The following KIAA0825 variants were observed in gnomAD, a reference collection of about 807,000 sequenced individuals.
The protein encoded by KIAA0825 is KIAA0825.
KIAA0825 carries 119 observed loss-of-function variants against 147.6 expected under a neutral mutation model. The observed-to-expected ratio is 0.81, with a 90% CI of 0.69 to 0.94. The LOEUF is 0.94. Ranked by LOEUF, KIAA0825 falls within the 40% of genes least tolerant of loss-of-function variation. KIAA0825 has a pLI of 0.00. For missense variants in KIAA0825, 1,381 were observed against 1,472.7 expected (o/e 0.94, Z 1.02); for synonymous variants, 470 against 518.1 (o/e 0.91, Z 1.26).
intron 1 of KIAA0825, among the ~76,000 whole-genome samples, chr5:94,612,542 C>T (rs1258412489): frequency 6.6e-6 from 1 of 152,092 alleles, no homozygotes; most frequent in African/African-American, 2.4e-5. Flanking sequence ...TCTTCACAAG[C>T]AGTCTCCCCA....
intron 20 of KIAA0825, among the ~76,000 whole-genome samples, chr5:94,283,080 A>G (rs960818654): frequency 6.6e-6 from 1 of 152,192 alleles, no homozygotes; most frequent in South Asian, 2.1e-4. Context: ...AACATTCAAG[A>G]CTAAAAGGCA....
chr5:94,223,379 A>C (rs1773838043), intron 20 of KIAA0825, among the ~76,000 whole-genome samples: 1 of 152,162 alleles, frequency 6.6e-6, no homozygotes. Context: ...CTTTAGCCCA[A>C]AAGTATACCT....
At position 94,546,232 on chromosome 5, in the gene KIAA0825, T is replaced by G. The variant is rs1774325677; in HGVS notation, c.-1-9105A>C. Among the ~76,000 whole-genome samples, 2 of 152,142 alleles carry G rather than the reference T, an allele frequency of 1.3e-5. 1 individual carries two copies. The highest frequency in any genetic ancestry group is 4.1e-4 in the South Asian group (2 of 4,830). On this transcript the variant is annotated intron_variant, in intron 2 of 20. Transcript: ENST00000682413. ...AACACCAGATAGATTTCTAAGGGTT[T>G]TGACTCCAATCCCTGGCTCCAAGAC...
At chr5:94,517,962 T>C (rs1158781327) in intron 5 of KIAA0825, among the ~76,000 whole-genome samples, 1 of 152,118 alleles carries the variant, frequency 6.6e-6, no homozygotes, top group Non-Finnish European at 1.5e-5. Context: ...CTTAGTTTCC[T>C]CACTGTAAAA....
At chr5:94,404,358 A>G (rs1041892890) in intron 15 of KIAA0825, among the ~76,000 whole-genome samples, 8 of 152,188 alleles carry the variant, frequency 5.3e-5, no homozygotes, top group African/African-American at 1.4e-4. Context: ...CCACACATAT[A>G]TAAAATAATT....
chr5:94,558,280 G>A (rs979318269), intron 2 of KIAA0825, among the ~76,000 whole-genome samples: 1 of 152,134 alleles, frequency 6.6e-6, no homozygotes, highest in Non-Finnish European at 1.5e-5. Flanking sequence ...CTGGGAGCAA[G>A]GACTCCCTGG....
intron 18 of KIAA0825, among the ~76,000 whole-genome samples, chr5:94,390,915 T>C (rs542701950): frequency 3.5e-4 from 53 of 152,344 alleles, no homozygotes; most frequent in African/African-American, 1.1e-3. Context: ...CAAAACCTGA[T>C]TAAGTTAGAG....
chr5:94,379,493 G>T (rs1346999941), intron 20 of KIAA0825, among the ~76,000 whole-genome samples: 1 of 152,094 alleles, frequency 6.6e-6, no homozygotes, highest in Non-Finnish European at 1.5e-5. Context: ...TGCTGTTTTG[G>T]TTACAGTAGC....
At chr5:94,529,392 A>C (rs1043144864) in intron 3 of KIAA0825, among the ~76,000 whole-genome samples, 1 of 146,442 alleles carries the variant, frequency 6.8e-6, no homozygotes, top group African/African-American at 2.5e-5. Context: ...ATATGTATAT[A>C]TCATATGTAT....
At chr5:94,421,181 T>C (rs1296542057) in intron 14 of KIAA0825, among the ~76,000 whole-genome samples, 1 of 152,216 alleles carries the variant, frequency 6.6e-6, no homozygotes, top group Non-Finnish European at 1.5e-5. Context: ...AACTCTTCTC[T>C]TGGAGCACAA....
At chr5:94,394,783 T>G (rs1168745460) in intron 17 of KIAA0825, among the ~76,000 whole-genome samples, 4 of 152,160 alleles carry the variant, frequency 2.6e-5, no homozygotes, top group Non-Finnish European at 4.4e-5. Context: ...TGTAAATTAG[T>G]GTTGAATGCA....
chr5:94,290,941 G>C (rs1336250196), intron 20 of KIAA0825, among the ~76,000 whole-genome samples: 3 of 152,140 alleles, frequency 2.0e-5, no homozygotes, highest in Non-Finnish European at 4.4e-5. Flanking sequence ...CTTTTGAAAA[G>C]TATCTGTTCA....
intron 13 of KIAA0825, among the ~76,000 whole-genome samples, chr5:94,450,038 CCATTGGA>C (rs978863533): frequency 3.3e-5 from 5 of 151,906 alleles, no homozygotes; most frequent in Non-Finnish European, 7.4e-5. Context: ...CAAGATCGTG[CCATTGGA>C]CTCCAGCCTG....
chr5:94,520,004 C>G, intron 5 of KIAA0825: 1 of 1,121,250 alleles, frequency 8.9e-7, no homozygotes, highest in South Asian at 3.4e-5. Flanking sequence ...AAATTAAACT[C>G]TTATTTAAAG....
At chr5:94,189,611 T>C (rs1770476582) in intron 20 of KIAA0825, among the ~76,000 whole-genome samples, 1 of 152,144 alleles carries the variant, frequency 6.6e-6, no homozygotes, top group Non-Finnish European at 1.5e-5. Flanking sequence ...TCTAGACTCT[T>C]TATTAAGATT....
At position 94,279,486 on chromosome 5, in the gene KIAA0825, T is replaced by C. The variant is rs1452530261; in HGVS notation, c.3710+104882A>G. Among the ~76,000 whole-genome samples, 5 of 152,222 alleles carry C rather than the reference T, an allele frequency of 3.3e-5. No homozygotes were observed. In the East Asian group the frequency reaches 7.7e-4, roughly 24 times the overall value. On this transcript the variant is annotated intron_variant, in intron 20 of 20. Transcript: ENST00000682413. Reference sequence around the variant, plus strand: ...TTATAATGGTACAGAATTGCAAATATTTAAGTCGGTTAGATCTTAAAAATC... The same window carrying C: ...TTATAATGGTACAGAATTGCAAATACTTAAGTCGGTTAGATCTTAAAAATC...
chr5:94,594,942 T>C (rs894598581), intron 1 of KIAA0825, among the ~76,000 whole-genome samples: 5 of 151,556 alleles, frequency 3.3e-5, no homozygotes, highest in Non-Finnish European at 7.4e-5. Flanking sequence ...ATCCAAGGCA[T>C]GCTGATGTAA....
intron 15 of KIAA0825, among the ~76,000 whole-genome samples, chr5:94,407,729 A>C (rs1446217985): frequency 6.6e-6 from 1 of 152,182 alleles, no homozygotes; most frequent in Non-Finnish European, 1.5e-5. Context: ...GGCGTGATTA[A>C]AATGGTCTAA....
intron 15 of KIAA0825, chr5:94,414,286 T>C (rs1584422615): frequency 6.6e-6 from 1 of 152,226 alleles, no homozygotes; most frequent in Non-Finnish European, 1.5e-5. Flanking sequence ...TTGACAGTAT[T>C]TGCCTCATTT....
Sources: gnomAD v4.1 joint callset for allele counts (sites outside exome capture counted in the v4.1 genomes callset) on GRCh38, gnomAD v4.1.1 for gene constraint, MANE v1.5 for transcripts, NCBI Gene and HGNC (gene_info 2026-07-23, HGNC 2026-07-21) for gene names.